AIM2: variants seen among roughly 807,000 people sequenced by gnomAD.
AIM2 encodes interferon-inducible protein AIM2.
A neutral mutation model predicts 27.7 loss-of-function variants in AIM2; 30 were observed. The observed-to-expected ratio is 1.08, with a 90% confidence interval of 0.81 to 1.47. The LOEUF (loss-of-function observed/expected upper bound fraction) is 1.47. AIM2 is among the 40% of genes most tolerant of loss of function. The pLI, the probability that AIM2 is intolerant of heterozygous loss-of-function variation, is 0.00. For synonymous variants in AIM2, 141 were observed against 145.3 expected (o/e 0.97, Z 0.21); for missense variants, 358 against 411.3 (o/e 0.87, Z 1.12).
intron 1 of AIM2, among the ~76,000 whole-genome samples, chr1:159,118,538 A>G (rs1647444525): frequency 6.6e-6 from 1 of 152,190 alleles, no homozygotes; most frequent in African/African-American, 2.4e-5. Flanking sequence ...TAGTTTCATG[A>G]TGACAGTTTT....
chr1:159,064,756 C>T (rs527832018), intron 4 of AIM2, among the ~76,000 whole-genome samples: 50 of 152,246 alleles, frequency 3.3e-4, no homozygotes, highest in African/African-American at 1.0e-3. Context: ...TGAGCTGCCG[C>T]GCCCAGCCTG....
the AIM2 span, among the ~76,000 whole-genome samples, chr1:159,056,717 CAAAAAAAAA>C: frequency 0.015 from 658 of 44,212 alleles, 5 homozygotes; most frequent in Middle Eastern, 0.095. Context: ...GCCCAACCGG[CAAAAAAAAA>C]AAAAAAAAAA....
intron 1 of AIM2, among the ~76,000 whole-genome samples, chr1:159,133,179 C>CTCTCTCTCTCTCTT (rs1217235632): frequency 1.4e-5 from 2 of 138,786 alleles, no homozygotes; most frequent in African/African-American, 3.5e-5. Context: ...CTTGTTCTCT[C>CTCTCTCTCTCTCTT]TCTCTCTCTC....
intron 1 of AIM2, among the ~76,000 whole-genome samples, chr1:159,101,166 G>T (rs1657304336): frequency 6.6e-6 from 1 of 152,118 alleles, no homozygotes; most frequent in African/African-American, 2.4e-5. Context: ...GGAGGTAATT[G>T]GATCATGGGG....
At chr1:159,109,317 C>T (rs548967037) in intron 1 of AIM2, among the ~76,000 whole-genome samples, 5 of 152,168 alleles carry the variant, frequency 3.3e-5, no homozygotes, top group Admixed American at 2.6e-4. Context: ...GAAAGGACAC[C>T]CTATTCAACA....
chr1:159,069,254 C>T (rs779129311), intron 2 of AIM2, among the ~76,000 whole-genome samples: 1 of 152,026 alleles, frequency 6.6e-6, no homozygotes, highest in African/African-American at 2.4e-5. Flanking sequence ...TCAATATCTA[C>T]TTACCTTAAC....
chr1:159,094,702 G>GA lies in AIM2; in HGVS notation c.-15-28374dup, dbSNP rs563926866. On this transcript the variant is annotated intron_variant, in intron 1 of 2. Coordinates refer to the AIM2 transcript ENST00000368129. ...GACAGAGCGAGACTCTGTCTCCGAA[G>GA]AAAAAATGAAAAGAAAACAAATCAA... Among the ~76,000 whole-genome samples, 797 of 152,058 alleles carry GA rather than the reference G, an allele frequency of 5.2e-3. 7 individuals are homozygous for GA. The highest frequency in any genetic ancestry group is 8.8e-3 in the Non-Finnish European group (601 of 67,964).
At chr1:159,136,471 T>C (rs535245114) in intron 1 of AIM2, among the ~76,000 whole-genome samples, 15 of 152,312 alleles carry the variant, frequency 9.8e-5, no homozygotes, top group African/African-American at 9.6e-5. Flanking sequence ...TAGCGAGACC[T>C]CAGATTCAGA....
At chr1:159,069,102 T>C (rs1242692430) in intron 2 of AIM2, among the ~76,000 whole-genome samples, 5 of 150,696 alleles carry the variant, frequency 3.3e-5, no homozygotes, top group African/African-American at 7.3e-5. Flanking sequence ...ATTGCACCAC[T>C]GCACTCCAGC....
At chr1:159,097,816 G>A (rs904192274) in intron 1 of AIM2, among the ~76,000 whole-genome samples, 1 of 151,976 alleles carries the variant, frequency 6.6e-6, no homozygotes, top group Non-Finnish European at 1.5e-5. Flanking sequence ...TTACCAAATC[G>A]GCAAATCAAT....
chr1:159,122,458 C>G (rs1647562476), intron 1 of AIM2: 2 of 152,200 alleles, frequency 1.3e-5, no homozygotes, highest in African/African-American at 4.8e-5. Flanking sequence ...CATGCCCATG[C>G]CATTGGCTTC....
downstream of AIM2, among the ~76,000 whole-genome samples, chr1:159,059,994 C>A (rs28541787): frequency 0.01 from 1,597 of 152,242 alleles, 24 homozygotes; most frequent in African/African-American, 0.036. Flanking sequence ...TAGAACAACT[C>A]ACAGAGATGC....
the AIM2 span, among the ~76,000 whole-genome samples, chr1:159,056,717 C>CCA: frequency 2.3e-5 from 1 of 44,184 alleles, no homozygotes; most frequent in African/African-American, 7.9e-5. Context: ...GCCCAACCGG[C>CCA]AAAAAAAAAA....
rs1256694785 is a variant in AIM2, at chr1:159,073,509, T to C, written c.-10A>G. 1 of 1,612,626 alleles carries C rather than the reference T, an allele frequency of 6.2e-7. No individual in the cohort carries two copies. The highest frequency in any genetic ancestry group is 8.5e-7 in the Non-Finnish European group (1 of 1,179,094). On this transcript the variant is annotated 5_prime_UTR_variant, in exon 2 of 6. Transcript: ENST00000368130. ...TGTATTTACTCTCCATCTGACAACTTTGGGATCAGCCTATAAGGAATCCAA... is the reference window on the plus strand; with the variant it reads ...TGTATTTACTCTCCATCTGACAACTCTGGGATCAGCCTATAAGGAATCCAA...
chr1:159,118,929 G>A (rs547561540), intron 1 of AIM2, among the ~76,000 whole-genome samples: 1 of 152,120 alleles, frequency 6.6e-6, no homozygotes, highest in South Asian at 2.1e-4. Context: ...AATCTTAGTT[G>A]CATATAATGA....
chr1:159,061,934 T>C (rs557393011), downstream of AIM2, among the ~76,000 whole-genome samples: 1 of 152,356 alleles, frequency 6.6e-6, no homozygotes, highest in East Asian at 1.9e-4. Flanking sequence ...TGTTTTCTTG[T>C]AGAAGTTTTA....
At chr1:159,068,208 T>C (rs1248632695) in intron 3 of AIM2, among the ~76,000 whole-genome samples, 1 of 152,140 alleles carries the variant, frequency 6.6e-6, no homozygotes, top group Non-Finnish European at 1.5e-5. Context: ...GCAACTACAT[T>C]GGACTTGACA....
chr1:159,139,356 C>G (rs1335879770), intron 1 of AIM2, among the ~76,000 whole-genome samples: 1 of 152,212 alleles, frequency 6.6e-6, no homozygotes, highest in Non-Finnish European at 1.5e-5. Flanking sequence ...CAGGCAGGGG[C>G]TGAGCATTCA....
chr1:159,082,412 G>A (rs1006832608), intron 1 of AIM2, among the ~76,000 whole-genome samples: 1 of 152,214 alleles, frequency 6.6e-6, no homozygotes, highest in Non-Finnish European at 1.5e-5. Flanking sequence ...AGGCTGGGAA[G>A]TCCAAGATCA....
Sources: allele counts gnomAD v4.1 joint callset (sites outside exome capture counted in the v4.1 genomes callset), GRCh38; gene constraint gnomAD v4.1.1; transcripts MANE v1.5; gene names NCBI Gene and HGNC (gene_info 2026-07-23, HGNC 2026-07-21).